The following SH3RF3 variants were observed in gnomAD, a reference collection of about 807,000 sequenced individuals.
The protein encoded by SH3RF3 is E3 ubiquitin-protein ligase SH3RF3.
Under a neutral mutation model 66.3 loss-of-function variants are expected in SH3RF3, and 29 were observed. The ratio of observed to expected loss-of-function variants is 0.44; its 90% CI spans 0.33 to 0.60. The LOEUF is 0.60. SH3RF3 is among the 20% of genes least tolerant of loss of function. The pLI, the probability that SH3RF3 is intolerant of heterozygous loss-of-function variation, is 0.04. For missense variants in SH3RF3, 1,194 were observed against 1,190.9 expected (o/e 1.00, Z -0.04); for synonymous variants, 583 against 532.0 (o/e 1.10, Z -1.32).
intron 1 of SH3RF3, among the ~76,000 whole-genome samples, chr2:109,133,015 T>G (rs1676732491): frequency 6.6e-6 from 1 of 152,242 alleles, no homozygotes; most frequent in African/African-American, 2.4e-5. Context: ...CTTCTGCAGT[T>G]CATGTAGACT....
intron 9 of SH3RF3, among the ~76,000 whole-genome samples, chr2:109,496,880 A>G (rs997484151): frequency 6.6e-6 from 1 of 152,228 alleles, no homozygotes; most frequent in Admixed American, 6.5e-5. Flanking sequence ...GTAATCACAA[A>G]GGGTCCTTAT....
intron 5 of SH3RF3, among the ~76,000 whole-genome samples, chr2:109,425,561 C>G (rs568281833): frequency 1.3e-5 from 2 of 152,312 alleles, no homozygotes; most frequent in South Asian, 4.1e-4. Context: ...TCCGAGAACC[C>G]TAGGGCTCTT....
intron 1 of SH3RF3, among the ~76,000 whole-genome samples, chr2:109,149,851 C>A (rs11675280): frequency 6.6e-6 from 1 of 152,108 alleles, no homozygotes; most frequent in Non-Finnish European, 1.5e-5. Context: ...GATTAAAATA[C>A]CAGGGGGTTC....
At chr2:109,496,199 G>A (rs988151697) in intron 9 of SH3RF3, among the ~76,000 whole-genome samples, 5 of 152,032 alleles carry the variant, frequency 3.3e-5, no homozygotes, top group Admixed American at 6.6e-5. Context: ...TACAGAGTGC[G>A]GATTGGTGCA....
intron 1 of SH3RF3, among the ~76,000 whole-genome samples, chr2:109,250,453 C>T (rs755872509): frequency 3.0e-4 from 45 of 151,596 alleles, no homozygotes; most frequent in African/African-American, 8.2e-4. Context: ...TTGATATACT[C>T]GGAAAACTTA....
intron 1 of SH3RF3, among the ~76,000 whole-genome samples, chr2:109,334,667 A>G (rs1682366954): frequency 6.6e-6 from 1 of 152,196 alleles, no homozygotes; most frequent in Non-Finnish European, 1.5e-5. Context: ...TAATGCAGAC[A>G]AGAGGGAAAG....
chr2:109,305,885 A>G (rs781000829), intron 1 of SH3RF3, among the ~76,000 whole-genome samples: 22 of 152,192 alleles, frequency 1.4e-4, no homozygotes, highest in Non-Finnish European at 2.8e-4. Flanking sequence ...CCTTTCCCAC[A>G]CCAGGAGTTC....
intron 1 of SH3RF3, among the ~76,000 whole-genome samples, chr2:109,333,428 A>C (rs533179741): frequency 6.6e-6 from 1 of 152,234 alleles, no homozygotes; most frequent in Non-Finnish European, 1.5e-5. Flanking sequence ...AAAATAAAAC[A>C]AGCCTAACCT....
At chr2:109,361,323 G>A (rs187069411) in intron 2 of SH3RF3, among the ~76,000 whole-genome samples, 50 of 152,236 alleles carry the variant, frequency 3.3e-4, no homozygotes, top group Non-Finnish European at 5.6e-4. Context: ...TTAGGGTAAC[G>A]TTAACCTCAT....
At chr2:109,397,189 C>T (rs988439916) in intron 3 of SH3RF3, among the ~76,000 whole-genome samples, 1 of 152,092 alleles carries the variant, frequency 6.6e-6, no homozygotes, top group African/African-American at 2.4e-5. Flanking sequence ...GCTCAGTTTC[C>T]GCTTGGTGAG....
chr2:109,458,733 A>C (rs759141560), intron 8 of SH3RF3, among the ~76,000 whole-genome samples: 9 of 152,252 alleles, frequency 5.9e-5, no homozygotes, highest in Non-Finnish European at 1.2e-4. Flanking sequence ...TGTCCACAGG[A>C]TGCCTGTGAT....
intron 8 of SH3RF3, among the ~76,000 whole-genome samples, chr2:109,456,233 A>C (rs754318029): frequency 2.6e-5 from 4 of 152,206 alleles, no homozygotes; most frequent in Non-Finnish European, 5.9e-5. Context: ...TTGGCTGGGC[A>C]GAAGGGGTCG....
intron 4 of SH3RF3, among the ~76,000 whole-genome samples, chr2:109,400,464 T>C (rs543070460): frequency 6.6e-6 from 1 of 151,694 alleles, no homozygotes; most frequent in Non-Finnish European, 1.5e-5. Context: ...TGCACACACA[T>C]ACACATGTGC....
intron 1 of SH3RF3, among the ~76,000 whole-genome samples, chr2:109,185,580 C>T (rs1003449049): frequency 2.0e-5 from 3 of 152,106 alleles, no homozygotes; most frequent in Non-Finnish European, 4.4e-5. Context: ...TTTGGCCAGG[C>T]GTTGGTTTTC....
chr2:109,501,344 A>G (rs1468639697), intron 9 of SH3RF3, among the ~76,000 whole-genome samples, 159 bp from the exon 10 acceptor site: 1 of 152,238 alleles, frequency 6.6e-6, no homozygotes, highest in Non-Finnish European at 1.5e-5. Context: ...AAAAATTTCC[A>G]GAGTTTTGAA....
In SH3RF3 at chr2:109,347,917, G is replaced by T; in HGVS notation, c.817G>T (p.Asp273Tyr). 6.2e-7 allele frequency: 1 copy of T among 1,609,182 alleles called. No homozygotes were observed. ...TTATGATTTCGAGATGAAGGACAAA[G>T]ACCAAGACAAGGACTGTCTGACCTT... ...ALYDFEMKDK[D>Y]QDKDCLTFTK... The change falls in exon 2 of 10, where the codon GAC becomes TAC. Residue 273 changes from aspartate to tyrosine, a missense_variant. Coordinates refer to ENST00000309415, the MANE Select transcript of SH3RF3 (RefSeq NM_001099289.3).
chr2:109,398,851 A>G lies in SH3RF3; in HGVS notation c.1207A>G (p.Ile403Val). 6.2e-7 allele frequency: 1 copy of G among 1,613,944 alleles called. No individual in the cohort carries two copies. The change falls in exon 4 of 10, where the codon ATT becomes GTT. Residue 403 changes from isoleucine (I) to valine (V), a missense_variant. By Grantham distance (29) the Ile-to-Val change is conservative. Transcript: ENST00000309415. ...QAASHRHSMEISAPVLISSSD... is the reference protein window; with the variant it reads ...QAASHRHSMEVSAPVLISSSD... ...TGCCAGCCACAGGCATTCCATGGAA[A>G]TTAGTGCTCCAGTGTTGATCAGCTC...
At chr2:109,275,757 G>C (rs1419978204) in intron 1 of SH3RF3, among the ~76,000 whole-genome samples, 4 of 152,172 alleles carry the variant, frequency 2.6e-5, no homozygotes, top group African/African-American at 9.7e-5. Context: ...AGCCGCACCT[G>C]CTTCCCTGTG....
intron 8 of SH3RF3, among the ~76,000 whole-genome samples, chr2:109,457,000 G>C (rs1300032552): frequency 2.2e-4 from 34 of 152,202 alleles, no homozygotes; most frequent in Admixed American, 2.2e-3. Flanking sequence ...TCAGCATGGA[G>C]GGTGGACCTG....
Sources: gnomAD v4.1 joint callset for allele counts (sites outside exome capture counted in the v4.1 genomes callset) on GRCh38, gnomAD v4.1.1 for gene constraint, MANE v1.5 for transcripts, NCBI Gene and HGNC (gene_info 2026-07-23, HGNC 2026-07-21) for gene names.